Variants in WDR25 observed in about 807,000 individuals in gnomAD.
WDR25 encodes WD repeat domain 25.
Under a neutral mutation model 47.7 loss-of-function variants are expected in WDR25, and 35 were observed. The ratio of observed to expected loss-of-function variants is 0.73; its 90% CI spans 0.56 to 0.97. The LOEUF is 0.97. Ranked by LOEUF, WDR25 falls within the 50% of genes least tolerant of loss-of-function variation. WDR25 has a pLI of 0.00. For missense variants in WDR25, 634 were observed against 704.7 expected, an observed-to-expected ratio of 0.90 and a Z score of 1.14; for synonymous variants, 248 against 278.9, an observed-to-expected ratio of 0.89 and a Z score of 1.10.
chr14:100,418,791 A>G (rs552884243), intron 2 of WDR25, among the ~76,000 whole-genome samples: 6 of 151,890 alleles, frequency 4.0e-5, no homozygotes, highest in Admixed American at 6.6e-5. Flanking sequence ...CTCACGCCAC[A>G]CCTACTCCGG....
intron 3 of WDR25, among the ~76,000 whole-genome samples, chr14:100,477,406 G>A (rs1413264101): frequency 3.3e-5 from 5 of 152,220 alleles, no homozygotes; most frequent in Admixed American, 3.3e-4. Context: ...TAAAGTCAGT[G>A]CTAGTGGATT....
At chr14:100,431,858 C>T (rs1481549851) in intron 2 of WDR25, among the ~76,000 whole-genome samples, 1 of 151,880 alleles carries the variant, frequency 6.6e-6, no homozygotes, top group African/African-American at 2.4e-5. Flanking sequence ...TACAGGTGCC[C>T]GCCACCAAGC....
chr14:100,393,743 T>C (rs1036039669), intron 2 of WDR25, among the ~76,000 whole-genome samples: 2 of 152,146 alleles, frequency 1.3e-5, no homozygotes, highest in Non-Finnish European at 2.9e-5. Context: ...CCCATGTTGC[T>C]GGAGGGCTGG....
chr14:100,441,260 G>A (rs1048765977), intron 2 of WDR25, among the ~76,000 whole-genome samples: 2 of 152,178 alleles, frequency 1.3e-5, no homozygotes, highest in African/African-American at 4.8e-5. Flanking sequence ...GTGTGATATT[G>A]GGCGCTGTCT....
chr14:100,459,564 G>A (rs1899308508), intron 2 of WDR25, among the ~76,000 whole-genome samples: 1 of 151,952 alleles, frequency 6.6e-6, no homozygotes, highest in Admixed American at 6.6e-5. Context: ...CATGACTGAG[G>A]TAATCAAGTC....
chr14:100,406,209 T>A (rs1045816262), intron 2 of WDR25, among the ~76,000 whole-genome samples: 2 of 152,194 alleles, frequency 1.3e-5, no homozygotes, highest in Admixed American at 6.5e-5. Flanking sequence ...CACTGGGACC[T>A]GGAGCAGTCG....
At chr14:100,473,598 A>G (rs1477559803) in intron 3 of WDR25, among the ~76,000 whole-genome samples, 1 of 152,286 alleles carries the variant, frequency 6.6e-6, no homozygotes, top group East Asian at 1.9e-4. Context: ...CCACTGAGGG[A>G]AAGATGCCTC....
chr14:100,382,355 G>A (rs1008937180), intron 2 of WDR25, among the ~76,000 whole-genome samples: 25 of 152,278 alleles, frequency 1.6e-4, no homozygotes, highest in African/African-American at 5.8e-4. Context: ...CTTGGGGATG[G>A]GGGCAGAAGG....
At chr14:100,395,999 C>T (rs1253277258) in intron 2 of WDR25, among the ~76,000 whole-genome samples, 6 of 123,290 alleles carry the variant, frequency 4.9e-5, no homozygotes, top group Admixed American at 1.9e-4. Flanking sequence ...TTTTTTGAGA[C>T]GGAGTCTCGC....
At chr14:100,418,535 G>A (rs940754075) in intron 2 of WDR25, among the ~76,000 whole-genome samples, 1 of 151,850 alleles carries the variant, frequency 6.6e-6, no homozygotes, top group Non-Finnish European at 1.5e-5. Context: ...CTTTTGGGAG[G>A]CTGAGGCAGG....
Position 100,530,136 on chromosome 14 carries a change from G to A in WDR25, c.*95G>A, listed in dbSNP as rs2030420892. 3.0e-6 allele frequency: 4 copies of A among 1,313,216 alleles called. No individual in the cohort carries two copies. Among genetic ancestry groups the A allele is most frequent in the South Asian group, 1.4e-5 (1 of 71,672 alleles). The allele number at this position is 1,313,216 out of a possible 1,614,324, so 81.3% of individuals were successfully genotyped here. On this transcript the variant is annotated 3_prime_UTR_variant, in exon 7 of 7. Coordinates refer to ENST00000402312, the MANE Select transcript of WDR25 (RefSeq NM_001161476.3). ...AGAGGAACGAGCACAGAGGTTGGCT[G>A]TGGGTCCTGGGTACCACCTTCTGAG...
intron 4 of WDR25, among the ~76,000 whole-genome samples, chr14:100,510,693 G>A (rs542802676): frequency 8.7e-5 from 13 of 150,164 alleles, no homozygotes; most frequent in Admixed American, 2.6e-4. Flanking sequence ...CCGAGATCGC[G>A]TCATTGCACT....
intron 2 of WDR25, among the ~76,000 whole-genome samples, chr14:100,436,654 G>T (rs991252733): frequency 6.6e-6 from 1 of 152,180 alleles, no homozygotes; most frequent in Admixed American, 6.5e-5. Context: ...GGTCGTGGAG[G>T]ACTCTGCACA....
chr14:100,477,781 G>T (rs1900065608), intron 3 of WDR25, among the ~76,000 whole-genome samples: 1 of 152,204 alleles, frequency 6.6e-6, no homozygotes, highest in Non-Finnish European at 1.5e-5. Flanking sequence ...AATCTGTGGA[G>T]GTTATTGCTA....
rs144699276 is a variant in WDR25 at position 100,402,887 on chromosome 14, C to T, written c.822+21141C>T. On this transcript the variant is annotated intron_variant, in intron 2 of 6. Transcript: ENST00000402312. ...GAAATAAAATGCCATAGGGATGAGA[C>T]CCGTGCAGCCAGCCAGCACTTAGGG... Among the ~76,000 whole-genome samples the T allele has an allele frequency of 2.9e-3, 448 of 152,204 alleles. 1 individual carries two copies. The highest frequency in any genetic ancestry group is 5.2e-3 in the Non-Finnish European group (351 of 68,000).
At chr14:100,409,274 G>A (rs925859513) in intron 2 of WDR25, among the ~76,000 whole-genome samples, 2 of 152,236 alleles carry the variant, frequency 1.3e-5, no homozygotes, top group African/African-American at 2.4e-5. Context: ...CTGGTTAAGC[G>A]TGTCTGGCGC....
chr14:100,504,075 C>T (rs910537560), intron 4 of WDR25, among the ~76,000 whole-genome samples: 2 of 152,232 alleles, frequency 1.3e-5, no homozygotes, highest in Non-Finnish European at 2.9e-5. Context: ...TCCCAATAGT[C>T]TCCACCCTCC....
At chr14:100,435,015 T>C (rs1187563188) in intron 2 of WDR25, among the ~76,000 whole-genome samples, 1 of 152,202 alleles carries the variant, frequency 6.6e-6, no homozygotes, top group African/African-American at 2.4e-5. Context: ...GTTATGTAGG[T>C]GCATGAGAAC....
At position 100,499,732 on chromosome 14, in the gene WDR25, A is replaced by G. The variant is rs1016563473; in HGVS notation, c.1101+15608A>G. 2.6e-5 allele frequency among the ~76,000 whole-genome samples: 4 copies of G among 152,108 alleles called. No individual in the cohort carries two copies. Among genetic ancestry groups the G allele is most frequent in the African/African-American group, 9.7e-5 (4 of 41,414 alleles). ...TGGGAGATAGAGCAGACGGGCCACA[A>G]GAGGCCTCCTTCCTTCCAGAGCTCC... On this transcript the variant is annotated intron_variant, in intron 4 of 6. Coordinates refer to ENST00000402312, the MANE Select transcript of WDR25 (RefSeq NM_001161476.3). This position sits in a 1 kb window ranked among gnomAD's most constrained non-coding sequence, Gnocchi z 4.4.
Sources: gnomAD v4.1 joint callset for allele counts (sites outside exome capture counted in the v4.1 genomes callset) on GRCh38, gnomAD v4.1.1 for gene constraint, Gnocchi (gnomAD v3.1) non-coding constraint, MANE v1.5 for transcripts, NCBI Gene and HGNC (gene_info 2026-07-23, HGNC 2026-07-21) for gene names.